UPRT: variants seen among roughly 807,000 people sequenced by gnomAD.
The protein encoded by UPRT is uracil phosphoribosyltransferase homolog, also known as RP11-311P8.3.
In UPRT, 5 loss-of-function variants were observed where a neutral mutation model predicts 22.6. That is an observed-to-expected ratio of 0.22 (90% CI 0.12 to 0.47). The LOEUF is 0.47. Ranked by LOEUF, UPRT falls within the 20% of genes least tolerant of loss-of-function variation. UPRT has a pLI of 0.99. For missense variants in UPRT, 181 were observed against 239.9 expected (o/e 0.75, Z 1.62); for synonymous variants, 77 against 87.7 (o/e 0.88, Z 0.68).
At chrX:75,210,712 G>T (rs886131675) in intron 4 of UPRT, among the ~76,000 whole-genome samples, 1 of 109,621 alleles carries the variant, frequency 9.1e-6, no homozygotes, top group Non-Finnish European at 1.9e-5. Context: ...GTTGAAATTA[G>T]AGGAGGGATT....
intron 4 of UPRT, among the ~76,000 whole-genome samples, chrX:75,207,621 G>T (rs963657285): frequency 5.4e-5 from 6 of 111,593 alleles, no homozygotes; most frequent in Non-Finnish European, 1.1e-4. Context: ...TGCTGTAAAC[G>T]GGATGATGGG....
intron 4 of UPRT, among the ~76,000 whole-genome samples, chrX:75,206,111 C>T (rs1199866347): frequency 9.0e-6 from 1 of 111,265 alleles, no homozygotes; most frequent in Non-Finnish European, 1.9e-5. Context: ...GTTGGTTAAC[C>T]TGTGAAACAA....
At chrX:75,251,370 G>C (rs2082529034) in intron 4 of UPRT, among the ~76,000 whole-genome samples, 2 of 111,577 alleles carry the variant, frequency 1.8e-5, no homozygotes, top group South Asian at 7.6e-4. Context: ...AAAGTCTCAG[G>C]ACACAAAATC....
At chrX:75,210,503 G>T (rs2082377491) in intron 4 of UPRT, among the ~76,000 whole-genome samples, 1 of 109,736 alleles carries the variant, frequency 9.1e-6, no homozygotes, top group South Asian at 4.1e-4. Context: ...GCCACCTCCT[G>T]CAAGGAAAGG....
chrX:75,156,397 T>G, exon 1 of UPRT: 1 of 826,637 alleles, frequency 1.2e-6, no homozygotes, highest in South Asian at 2.2e-5. Flanking sequence ...TGGATTCTGT[T>G]TGAAGATTCG....
At chrX:75,241,794 A>G (rs964638077) in intron 4 of UPRT, among the ~76,000 whole-genome samples, 9 of 111,849 alleles carry the variant, frequency 8.0e-5, no homozygotes, top group Admixed American at 9.5e-5. Flanking sequence ...GTTGGAGACC[A>G]TTATTCTAAG....
chrX:75,287,813 A>G (rs1349581406), intron 1 of UPRT, among the ~76,000 whole-genome samples: 2 of 111,655 alleles, frequency 1.8e-5, no homozygotes, highest in Non-Finnish European at 3.8e-5. Flanking sequence ...AAGAAAATAC[A>G]TAATTAAAGT....
chrX:75,176,526 G>A (rs2082247204), intron 4 of UPRT, among the ~76,000 whole-genome samples: 1 of 111,453 alleles, frequency 9.0e-6, no homozygotes, highest in Non-Finnish European at 1.9e-5. Flanking sequence ...AAATCAGAGA[G>A]GGAGAAGGGG....
At position 75,174,933 on chromosome X, in the gene UPRT, ACT is replaced by A. The variant is rs200292959; in HGVS notation, c.-447+7061_-447+7062del. ...TTTTTTGTCTCTTTCTCTCTTTTTA[ACT>A]CTCTCTTTGACTTTCTGTGTCTGTC... On this transcript the variant is annotated intron_variant, in intron 4 of 13. Transcript: ENST00000652605. Among the ~76,000 whole-genome samples, 110 of 106,641 alleles carry A rather than the reference ACT, an allele frequency of 1.0e-3. 1 individual carries two copies. The East Asian group carries it at 0.032, about 31-fold the overall frequency. 92.6% of individuals were successfully genotyped at this position (106,641 alleles called of 115,157 possible).
At chrX:75,182,633 T>C (rs142376402) in intron 4 of UPRT, among the ~76,000 whole-genome samples, 32 of 112,135 alleles carry the variant, frequency 2.9e-4, no homozygotes, top group Non-Finnish European at 5.3e-4. Flanking sequence ...TCTACTTCTG[T>C]GCATAGAGGT....
intron 4 of UPRT, among the ~76,000 whole-genome samples, chrX:75,266,830 T>A (rs1261093261): frequency 9.0e-6 from 1 of 111,167 alleles, no homozygotes; most frequent in Non-Finnish European, 1.9e-5. Context: ...AACAGACACA[T>A]GAAAAAATGC....
At chrX:75,221,036 C>G (rs1379424435) in intron 4 of UPRT, among the ~76,000 whole-genome samples, 1 of 111,437 alleles carries the variant, frequency 9.0e-6, no homozygotes, top group African/African-American at 3.3e-5. Flanking sequence ...TTTCATTTGT[C>G]TAGGAAAGTA....
intron 1 of UPRT, among the ~76,000 whole-genome samples, chrX:75,286,306 T>G (rs1602492777): frequency 7.7e-5 from 3 of 38,881 alleles, no homozygotes; most frequent in South Asian, 3.4e-3. Context: ...CAAATTTACT[T>G]GGGGGGGGGG....
At chrX:75,263,808 T>A (rs1370482055) in intron 4 of UPRT, among the ~76,000 whole-genome samples, 4 of 111,282 alleles carry the variant, frequency 3.6e-5, no homozygotes, top group Middle Eastern at 4.6e-3. Flanking sequence ...AATTGTGATG[T>A]TAGGGTGTCA....
At chrX:75,266,827 AC>A (rs2082590343) in intron 4 of UPRT, among the ~76,000 whole-genome samples, 1 of 111,944 alleles carries the variant, frequency 8.9e-6, no homozygotes. Flanking sequence ...GCCAACAGAC[AC>A]ATGAAAAAAT....
At chrX:75,229,725 C>T (rs1012280452) in intron 4 of UPRT, among the ~76,000 whole-genome samples, 5 of 111,973 alleles carry the variant, frequency 4.5e-5, no homozygotes, top group African/African-American at 1.6e-4. Context: ...TCCCAGTCCT[C>T]AGCTTGAGCC....
At chrX:75,183,740 T>C (rs1260250982) in intron 4 of UPRT, among the ~76,000 whole-genome samples, 1 of 112,392 alleles carries the variant, frequency 8.9e-6, no homozygotes, top group Non-Finnish European at 1.9e-5. Context: ...TGGTATCTCA[T>C]TGTGGTTTTG....
chrX:75,221,340 G>A (rs1336525892), intron 4 of UPRT, among the ~76,000 whole-genome samples: 1 of 110,285 alleles, frequency 9.1e-6, no homozygotes, highest in Non-Finnish European at 1.9e-5. Flanking sequence ...TAACCTTCTT[G>A]TACATAAATA....
intron 4 of UPRT, among the ~76,000 whole-genome samples, chrX:75,176,890 C>T (rs779849768): frequency 9.0e-6 from 1 of 111,058 alleles, no homozygotes; most frequent in Non-Finnish European, 1.9e-5. Context: ...TCTCAGGTGG[C>T]CATTTTTCCC....
Sources: allele counts gnomAD v4.1 joint callset (sites outside exome capture counted in the v4.1 genomes callset), GRCh38; gene constraint gnomAD v4.1.1; transcripts MANE v1.5; gene names NCBI Gene and HGNC (gene_info 2026-07-23, HGNC 2026-07-21).